The following SMIM19 variants were observed in gnomAD, a reference collection of about 807,000 sequenced individuals.
SMIM19 encodes small integral membrane protein 19.
SMIM19 carries 6 observed loss-of-function variants against 13.2 expected under a neutral mutation model. The observed-to-expected ratio is 0.45, with a 90% CI of 0.25 to 0.90. The LOEUF (loss-of-function observed/expected upper bound fraction) is 0.90, where lower values mean the gene tolerates loss of function less well. Among genes scored for constraint, SMIM19 ranks in the 40% least tolerant of loss-of-function variants. The probability of loss-of-function intolerance (pLI) is 0.19; values close to 1 mark genes in which losing one functional copy is unlikely to be tolerated. For missense variants in SMIM19, 138 were observed against 131.0 expected (o/e 1.05, Z -0.26); for synonymous variants, 46 against 43.1 (o/e 1.07, Z -0.27).
Position 42,542,357 on chromosome 8 carries a change from T to C in SMIM19, c.-21T>C, listed in dbSNP as rs939686982. 1 of 810,106 alleles carries C rather than the reference T, an allele frequency of 1.2e-6. No homozygotes were observed. Among genetic ancestry groups the C allele is most frequent in the African/African-American group, 1.9e-5 (1 of 53,640 alleles). 50.2% of individuals were successfully genotyped at this position (810,106 alleles called of 1,614,324 possible). A position where few individuals can be genotyped will look rare whatever the true frequency, so the allele number is the denominator to read the frequency against. On this transcript the variant is annotated 5_prime_UTR_variant, in exon 1 of 4. Coordinates refer to ENST00000417410, the MANE Select transcript of SMIM19 (RefSeq NM_001135674.2). ...GTGAATTGCTTTCCTGGATGTTGGG[T>C]GAAGGCCTGTGAGCTTGTATGTACC...
chr8:42,545,914 T>C (rs2131490896), intron 1 of SMIM19, among the ~76,000 whole-genome samples: 2 of 152,318 alleles, frequency 1.3e-5, no homozygotes, highest in Non-Finnish European at 2.9e-5. Context: ...TCAGTCCTTT[T>C]AGTAATATTA....
At position 42,548,732 on chromosome 8, in the gene SMIM19, A is replaced by G; in HGVS notation, c.211A>G (p.Thr71Ala). 6.2e-7 allele frequency: 1 copy of G among 1,614,014 alleles called. No individual in the cohort carries two copies. Among genetic ancestry groups the G allele is most frequent in the South Asian group, 1.1e-5 (1 of 91,060 alleles). ...TTTGTCAGAGCCCAACTTTTATGAC[A>G]CGATAAGCAAGATTCGTTTAAGACA... ...ETLSEPNFYD[T>A]ISKIRLRQQL... is the part of the protein sequence containing the mutation. The change falls in exon 3 of 4, where the codon ACG becomes GCG. Residue 71 changes from threonine to alanine, a missense_variant. Transcript: ENST00000417410.
chr8:42,548,664 G>A lies in SMIM19; in HGVS notation c.143G>A (p.Arg48Lys), dbSNP rs752728616. The A allele has an allele frequency of 1.2e-6, 2 of 1,613,474 alleles. No homozygotes were observed. The highest frequency in any genetic ancestry group is 1.7e-6 in the Non-Finnish European group (2 of 1,179,810). The change falls in exon 3 of 4, where the codon AGG becomes AAG. Residue 48 changes from arginine (R) to lysine (K), a missense_variant. Transcript: ENST00000417410. ...GLFMYAKRNK[R>K]RIMRIFSVPP... ...ATGGATTTTGTGTTTAGGAACAAAA[G>A]GAGAATTATGAGGATATTCAGTGTG...
At position 42,554,752 on chromosome 8, in the gene SMIM19, G is replaced by A. The variant is rs1813772362; in HGVS notation, c.*2144G>A. The stretch of plus-strand genomic sequence containing the variant: ...CTGCTTCTACCCAACATCCACCTGA[G>A]ACTCAACAGAACTGTTTTCTTTGGA... On this transcript the variant is annotated 3_prime_UTR_variant, in exon 4 of 4. Transcript: ENST00000417410. The A allele has an allele frequency of 6.6e-6, 1 of 152,244 alleles. No individual in the cohort carries two copies. The highest frequency in any genetic ancestry group is 1.5e-5 in the Non-Finnish European group (1 of 68,052). 9.4% of individuals were successfully genotyped at this position (152,244 alleles called of 1,614,324 possible).
At chr8:42,550,327 GTAACAAAT>G (rs1402007840) in intron 3 of SMIM19, among the ~76,000 whole-genome samples, 2 of 152,108 alleles carry the variant, frequency 1.3e-5, no homozygotes, top group Non-Finnish European at 2.9e-5. Flanking sequence ...TATTGCTACT[GTAACAAAT>G]TACCACAAAT....
chr8:42,544,338 G>C (rs1194622824), intron 1 of SMIM19, among the ~76,000 whole-genome samples: 1 of 151,800 alleles, frequency 6.6e-6, no homozygotes, highest in African/African-American at 2.4e-5. Context: ...GTGAACCCGG[G>C]AGGCGGAGCT....
Position 42,554,384 on chromosome 8 carries a change from T to C in SMIM19, c.*1776T>C, listed in dbSNP as rs899598389. ...GAGTGGTTTACTCGTCACTGACATG[T>C]GGCACAATCTGGACAAATTACACAA... On this transcript the variant is annotated 3_prime_UTR_variant, in exon 4 of 4. Transcript: ENST00000417410. 1.3e-5 allele frequency: 2 copies of C among 152,240 alleles called. No homozygotes were observed. The highest frequency in any genetic ancestry group is 1.3e-4 in the Admixed American group (2 of 15,290). The allele number at this position is 152,240 out of a possible 1,614,324, so 9.4% of individuals were successfully genotyped here. A position where few individuals can be genotyped will look rare whatever the true frequency, so the allele number is the denominator to read the frequency against.
chr8:42,541,795 C>T lies in SMIM19; in HGVS notation c.-583C>T, dbSNP rs1308225753. On this transcript the variant is annotated 5_prime_UTR_variant, in exon 1 of 4. Coordinates refer to ENST00000417410, the MANE Select transcript of SMIM19 (RefSeq NM_001135674.2). ...CGCGCCGCCCGCCCCGCCCCGGACG[C>T]GGGGGTAAGGGGGGTGGCCGCCCGC... The T allele has an allele frequency of 2.0e-5, 3 of 149,338 alleles. No homozygotes were observed. The highest frequency in any genetic ancestry group is 6.6e-5 in the Admixed American group (1 of 15,094). The allele number at this position is 149,338 out of a possible 1,614,324, so 9.3% of individuals were successfully genotyped here. A position where few individuals can be genotyped will look rare whatever the true frequency, so the allele number is the denominator to read the frequency against.
chr8:42,550,231 C>T (rs2131497219), intron 3 of SMIM19, among the ~76,000 whole-genome samples: 1 of 152,302 alleles, frequency 6.6e-6, no homozygotes, highest in South Asian at 2.1e-4. Context: ...AGATACATTA[C>T]AAACCCACAG....
At chr8:42,548,440 G>A in intron 2 of SMIM19, 1 of 593,746 alleles carries the variant, frequency 1.7e-6, no homozygotes, top group South Asian at 1.5e-5. Flanking sequence ...TGTGTTAAAT[G>A]GATGTGTTCA....
In SMIM19 at chr8:42,552,683, A is replaced by T. The variant is rs892060644; in HGVS notation, c.*75A>T. On this transcript the variant is annotated 3_prime_UTR_variant, in exon 4 of 4. Coordinates refer to ENST00000417410, the MANE Select transcript of SMIM19 (RefSeq NM_001135674.2). ...TTCTACTAAATCATGAACAGCTTTA[A>T]AAACATTTCTGTCTGCATAAAATTA... 6.8e-7 allele frequency: 1 copy of T among 1,470,302 alleles called. No individual in the cohort carries two copies. Among genetic ancestry groups the T allele is most frequent in the Non-Finnish European group, 9.4e-7 (1 of 1,059,890 alleles). The allele number at this position is 1,470,302 out of a possible 1,614,324, so 91.1% of individuals were successfully genotyped here. A position where few individuals can be genotyped will look rare whatever the true frequency, so the allele number is the denominator to read the frequency against.
In SMIM19 at chr8:42,553,428, CTCTGCGGT is replaced by C. The variant is rs1554580862; in HGVS notation, c.*821_*828del. Reference sequence around the variant, plus strand: ...GATGCCTGTGTATTGGTGTTGGCAACTCTGCGGTAGTAGTGCTACCACTGGCGAGGCAG... The same window carrying C: ...GATGCCTGTGTATTGGTGTTGGCAACAGTAGTGCTACCACTGGCGAGGCAG... On this transcript the variant is annotated 3_prime_UTR_variant, in exon 4 of 4. Coordinates refer to ENST00000417410, the MANE Select transcript of SMIM19 (RefSeq NM_001135674.2). The C allele has an allele frequency of 6.6e-6, 1 of 152,218 alleles. No homozygotes were observed. Among genetic ancestry groups the C allele is most frequent in the Non-Finnish European group, 1.5e-5 (1 of 68,048 alleles). The allele number at this position is 152,218 out of a possible 1,614,324, so 9.4% of individuals were successfully genotyped here. A position where few individuals can be genotyped will look rare whatever the true frequency, so the allele number is the denominator to read the frequency against.
At chr8:42,548,240 A>G in intron 2 of SMIM19, 1 of 348,298 alleles carries the variant, frequency 2.9e-6, no homozygotes, top group South Asian at 2.3e-5. Flanking sequence ...TTTAAGAAAT[A>G]TGTTTATTCA....
At chr8:42,542,441 A>AT (rs1554579703) in intron 1 of SMIM19, 68 bp downstream of exon 1, 2 of 985,234 alleles carry the variant, frequency 2.0e-6, no homozygotes, top group Non-Finnish European at 2.4e-6. Flanking sequence ...AAGAAATCCC[A>AT]TTTTTTGATG....
In SMIM19 at chr8:42,553,963, CAG is replaced by C. The variant is rs941451234; in HGVS notation, c.*1358_*1359del. ...CACCACTGCATTCCAGCCTAGGCGA[CAG>C]AGCAAGACTTCGTCTCAGAAAAAAA... On this transcript the variant is annotated 3_prime_UTR_variant, in exon 4 of 4. Transcript: ENST00000417410. 2 of 144,704 alleles carry C rather than the reference CAG, an allele frequency of 1.4e-5. No individual in the cohort carries two copies. The highest frequency in any genetic ancestry group is 5.2e-5 in the African/African-American group (2 of 38,444). 9.0% of individuals were successfully genotyped at this position (144,704 alleles called of 1,614,324 possible).
chr8:42,549,333 A>T (rs1813591167), intron 3 of SMIM19, among the ~76,000 whole-genome samples: 1 of 152,032 alleles, frequency 6.6e-6, no homozygotes, highest in South Asian at 2.1e-4. Flanking sequence ...AATCGCTCGA[A>T]CCTGGGAGGC....
chr8:42,551,132 C>G (rs1813660869), intron 3 of SMIM19, among the ~76,000 whole-genome samples: 1 of 151,966 alleles, frequency 6.6e-6, no homozygotes, highest in African/African-American at 2.4e-5. Flanking sequence ...TCCTGGCTAA[C>G]ACAGTGAAAA....
At chr8:42,549,470 T>C (rs1351355303) in intron 3 of SMIM19, among the ~76,000 whole-genome samples, 1 of 151,302 alleles carries the variant, frequency 6.6e-6, no homozygotes, top group Admixed American at 6.6e-5. Context: ...TTGAAGACAG[T>C]ACACTAAGTG....
intron 2 of SMIM19, among the ~76,000 whole-genome samples, chr8:42,547,267 G>A (rs1021801060): frequency 3.9e-5 from 6 of 152,084 alleles, no homozygotes; most frequent in Admixed American, 1.3e-4. Flanking sequence ...GGCCGAGGCA[G>A]GAGAATCACT....
Sources: gnomAD v4.1 joint callset for allele counts (sites outside exome capture counted in the v4.1 genomes callset) on GRCh38, gnomAD v4.1.1 for gene constraint, MANE v1.5 for transcripts, NCBI Gene and HGNC (gene_info 2026-07-23, HGNC 2026-07-21) for gene names.